Variants in VAV1 observed in about 807,000 individuals in gnomAD.
VAV1 encodes the protein proto-oncogene vav.
Under a neutral mutation model 128.1 loss-of-function variants are expected in VAV1, and 33 were observed. That is an observed-to-expected ratio of 0.26 (90% CI 0.20 to 0.34). The LOEUF (loss-of-function observed/expected upper bound fraction) is 0.34, where lower values mean the gene tolerates loss of function less well. Among genes scored for constraint, VAV1 ranks in the 10% least tolerant of loss-of-function variants. VAV1 has a pLI of 1.00. For missense variants in VAV1, 715 were observed against 1,093.7 expected (o/e 0.65, Z 4.88); for synonymous variants, 394 against 409.8 (o/e 0.96, Z 0.47).
intron 1 of VAV1, among the ~76,000 whole-genome samples, chr19:6,796,272 T>C (rs35510323): frequency 0.014 from 2,174 of 152,230 alleles, 18 homozygotes; most frequent in Non-Finnish European, 0.024. Context: ...GTGGGAGAAA[T>C]ACTTCAAAGG....
At chr19:6,853,714 G>A (rs1470301203) in intron 25 of VAV1, among the ~76,000 whole-genome samples, 8 of 151,204 alleles carry the variant, frequency 5.3e-5, no homozygotes, top group African/African-American at 2.0e-4. Context: ...CTGGGTGACA[G>A]AGAGAGACTT....
intron 21 of VAV1, among the ~76,000 whole-genome samples, chr19:6,842,333 A>G (rs1278278206): frequency 6.6e-6 from 1 of 152,214 alleles, no homozygotes; most frequent in Non-Finnish European, 1.5e-5. Flanking sequence ...TTTTCTGTAA[A>G]GAGCCGAAGA....
intron 19 of VAV1, among the ~76,000 whole-genome samples, chr19:6,835,556 G>A (rs1217510943): frequency 2.0e-5 from 3 of 152,036 alleles, no homozygotes; most frequent in Non-Finnish European, 2.9e-5. Flanking sequence ...TCTCCCATAG[G>A]GAACCACTGT....
At chr19:6,855,610 C>T (rs192427912) in intron 26 of VAV1, among the ~76,000 whole-genome samples, 1 of 152,058 alleles carries the variant, frequency 6.6e-6, no homozygotes, top group Admixed American at 6.5e-5. Context: ...ATCCAGCCAA[C>T]ATCTATTCAT....
intron 6 of VAV1, among the ~76,000 whole-genome samples, chr19:6,823,194 C>T (rs373998786): frequency 6.0e-5 from 9 of 149,424 alleles, no homozygotes; most frequent in South Asian, 2.1e-4. Context: ...GGCAAGCTCT[C>T]GCTTTACTAC....
intron 26 of VAV1, among the ~76,000 whole-genome samples, chr19:6,855,658 T>C (rs1972776348): frequency 6.6e-6 from 1 of 152,130 alleles, no homozygotes; most frequent in Non-Finnish European, 1.5e-5. Context: ...TATCCATGCA[T>C]GCACCCATCT....
At position 6,826,030 on chromosome 19, in the gene VAV1, A is replaced by G. The variant is rs2144778201; in HGVS notation, c.828-582A>G. On this transcript the variant is annotated intron_variant, in intron 8 of 26. Transcript: ENST00000602142. This position sits in a 1 kb window ranked among gnomAD's most constrained non-coding sequence, Gnocchi z 4.1. ...TGGACTCCAGCCTAGGCAACAGAGC[A>G]AGACTCTGTCTCAGAAATAAAAACA... Among the ~76,000 whole-genome samples, 1 of 150,590 alleles carries G rather than the reference A, an allele frequency of 6.6e-6. No homozygotes were observed. Among genetic ancestry groups the G allele is most frequent in the East Asian group, 2.0e-4 (1 of 5,056 alleles).
chr19:6,804,725 C>CT (rs796763550), intron 1 of VAV1, among the ~76,000 whole-genome samples: 6,061 of 129,136 alleles, frequency 0.047, 186 homozygotes, highest in Middle Eastern at 0.069. Flanking sequence ...CCCATACCTC[C>CT]TTTTTTTTTT....
rs1490765788 is a variant in VAV1 at position 6,822,229 on chromosome 19, T to C, written c.458T>C (p.Val153Ala). 1 of 1,581,084 alleles carries C rather than the reference T, an allele frequency of 6.3e-7. No homozygotes were observed. The highest frequency in any genetic ancestry group is 8.6e-7 in the Non-Finnish European group (1 of 1,164,768). ...GACCTCACAACCCACAGCGACACGG[T>C]GGAGGAGGATGAGGACCTGTATGAC... ...SGLSDQIDDT[V>A]EEDEDLYDCV... Residue 153 changes from valine to alanine, a missense_variant, in exon 5 of 27, where the codon GTG becomes GCG. Val to Ala is a moderately conservative substitution (Grantham distance 64). Around this residue, in one of 3 missense-constraint regions of VAV1, gnomAD observed 302 missense variants for 477.8 expected, o/e 0.63. Transcript: ENST00000602142. This position sits in a 1 kb window ranked among gnomAD's most constrained non-coding sequence, Gnocchi z 5.9.
intron 9 of VAV1, chr19:6,827,079 T>G: frequency 3.9e-6 from 1 of 257,300 alleles, no homozygotes; most frequent in Non-Finnish European, 7.8e-6. Context: ...AGGCTGAACT[T>G]GATCTTGAAC....
intron 1 of VAV1, among the ~76,000 whole-genome samples, chr19:6,781,155 G>A (rs948127210): frequency 1.3e-5 from 2 of 150,516 alleles, no homozygotes; most frequent in East Asian, 2.0e-4. Context: ...CTCCCACCTC[G>A]GCCTCCCAAA....
At chr19:6,814,867 A>G (rs558596369) in intron 1 of VAV1, among the ~76,000 whole-genome samples, 2 of 151,778 alleles carry the variant, frequency 1.3e-5, no homozygotes, top group South Asian at 2.1e-4. Flanking sequence ...TATTAAGTAC[A>G]GTGTTTCGGT....
At chr19:6,836,701 T>C (rs1972230589) in intron 20 of VAV1, 133 bp downstream of exon 20, 1 of 1,391,522 alleles carries the variant, frequency 7.2e-7, no homozygotes, top group Non-Finnish European at 9.7e-7. Flanking sequence ...GTAGGTAGAC[T>C]GAGACTTCTG....
At chr19:6,846,155 TATAAA>T (rs554307393) in intron 22 of VAV1, among the ~76,000 whole-genome samples, 3 of 150,344 alleles carry the variant, frequency 2.0e-5, no homozygotes, top group African/African-American at 7.3e-5. Context: ...TTTACACTTA[TATAAA>T]ATTATATATT....
chr19:6,821,851 C>T lies in VAV1; in HGVS notation c.441C>T (p.Asp147=). The change falls in exon 4 of 27, where the codon GAC becomes GAT. Residue 147 remains aspartate, a synonymous_variant. Transcript: ENST00000602142. ...AAGACATCTACAGTGGCCTGTCCGA[C>T]CAGATCGAGTGAGTGCTCAGGCCTG... The part of the protein sequence containing the change: ...GDEDIYSGLS[D]QIDDTVEEDE... 6.2e-7 allele frequency: 1 copy of T among 1,614,158 alleles called. No individual in the cohort carries two copies.
chr19:6,853,158 C>A (rs926874090), intron 25 of VAV1, 79 bp downstream of exon 25: 4 of 1,313,138 alleles, frequency 3.0e-6, no homozygotes, highest in East Asian at 2.5e-5. Flanking sequence ...GCCATTGACA[C>A]CCCTTCCAAT....
At position 6,828,002 on chromosome 19, in the gene VAV1, C is replaced by A; in HGVS notation, c.928-74C>A. 7.6e-7 allele frequency: 1 copy of A among 1,309,888 alleles called. No homozygotes were observed. The highest frequency in any genetic ancestry group is 1.1e-6 in the Non-Finnish European group (1 of 906,756). The allele number at this position is 1,309,888 out of a possible 1,614,324, so 81.1% of individuals were successfully genotyped here. On this transcript the variant is annotated intron_variant, in intron 9 of 26. Coordinates refer to ENST00000602142, the MANE Select transcript of VAV1 (RefSeq NM_005428.4). The surrounding 1 kb of genome is among the most constrained non-coding windows in gnomAD (Gnocchi z 4.5). ...GAGCTGCTCACGTATTTATTCAAAT[C>A]TATCTGCACCCACCCTGCAACTGGC...
At chr19:6,784,605 T>C (rs943641527) in intron 1 of VAV1, among the ~76,000 whole-genome samples, 1 of 151,666 alleles carries the variant, frequency 6.6e-6, no homozygotes, top group Non-Finnish European at 1.5e-5. Context: ...GCGATTCTCC[T>C]GCCTCAGCCT....
intron 1 of VAV1, among the ~76,000 whole-genome samples, chr19:6,818,074 C>G (rs1003895877): frequency 6.6e-6 from 1 of 152,110 alleles, no homozygotes; most frequent in Admixed American, 6.6e-5. Flanking sequence ...CTCACTTCCA[C>G]CTCCCAACGT....
Sources: allele counts gnomAD v4.1 joint callset (sites outside exome capture counted in the v4.1 genomes callset), GRCh38; gene constraint gnomAD v4.1.1; regional missense constraint gnomAD v4.1.1; non-coding constraint Gnocchi (gnomAD v3.1); transcripts MANE v1.5; gene names NCBI Gene and HGNC (gene_info 2026-07-23, HGNC 2026-07-21).